SLC2A9: variants seen among roughly 807,000 people sequenced by gnomAD.
SLC2A9 encodes the protein solute carrier family 2 member 9.
In SLC2A9, 39 loss-of-function variants were observed where a neutral mutation model predicts 50.6. The observed-to-expected ratio is 0.77, with a 90% CI of 0.60 to 1.01. SLC2A9 has a LOEUF of 1.01. SLC2A9 is among the 50% of genes least tolerant of loss of function. SLC2A9 has a pLI of 0.00. For synonymous variants in SLC2A9, 324 were observed against 276.9 expected (o/e 1.17, Z -1.69); for missense variants, 686 against 677.6 (o/e 1.01, Z -0.14).
chr4:10,024,338 G>A (rs1341309952), upstream of SLC2A9, among the ~76,000 whole-genome samples: 2 of 152,218 alleles, frequency 1.3e-5, no homozygotes, highest in African/African-American at 4.8e-5. Flanking sequence ...CAATGTGACT[G>A]TATTTGGAGA....
chr4:10,018,546 T>TGATAGATAGATA (rs749714539), intron 2 of SLC2A9, among the ~76,000 whole-genome samples: 35 of 145,430 alleles, frequency 2.4e-4, no homozygotes, highest in African/African-American at 2.8e-4. Flanking sequence ...ATCTCAAAGA[T>TGATAGATAGATA]GATAGATAGA....
chr4:9,891,644 G>C (rs748346609), intron 8 of SLC2A9, among the ~76,000 whole-genome samples: 4 of 152,196 alleles, frequency 2.6e-5, no homozygotes, highest in Non-Finnish European at 5.9e-5. Flanking sequence ...AGAGAGGTGA[G>C]ATAACAGCAG....
intron 3 of SLC2A9, among the ~76,000 whole-genome samples, chr4:9,788,793 A>G (rs189853794): frequency 5.3e-5 from 8 of 152,100 alleles, no homozygotes; most frequent in African/African-American, 1.9e-4. Context: ...ACATGCTGTC[A>G]TTATTCTTTG....
intron 7 of SLC2A9, among the ~76,000 whole-genome samples, 179 bp from the exon 8 acceptor site, chr4:9,908,524 T>C (rs1462174396): frequency 6.6e-6 from 1 of 150,772 alleles, no homozygotes; most frequent in African/African-American, 2.4e-5. Flanking sequence ...TTACTTTTTT[T>C]CCTTATTTTA....
chr4:9,991,340 C>T (rs920328547), intron 3 of SLC2A9, among the ~76,000 whole-genome samples: 2 of 152,226 alleles, frequency 1.3e-5, no homozygotes, highest in Admixed American at 6.5e-5. Flanking sequence ...TTGTCAGCAG[C>T]ACGGTGTGTT....
intron 5 of SLC2A9, among the ~76,000 whole-genome samples, chr4:9,977,021 C>A (rs1186684109): frequency 2.0e-5 from 3 of 152,168 alleles, no homozygotes; most frequent in African/African-American, 4.8e-5. Context: ...TAACCTCACT[C>A]AACCTCATCT....
intron 3 of SLC2A9, among the ~76,000 whole-genome samples, chr4:9,809,142 G>A (rs1198603860): frequency 6.6e-6 from 1 of 152,152 alleles, no homozygotes; most frequent in Non-Finnish European, 1.5e-5. Flanking sequence ...GAGTAGGTAG[G>A]CTCTAGGAAA....
chr4:10,038,262 T>C (rs1464564626), intron 1 of SLC2A9, among the ~76,000 whole-genome samples: 1 of 152,050 alleles, frequency 6.6e-6, no homozygotes, highest in Non-Finnish European at 1.5e-5. Flanking sequence ...ATCCCAGTGC[T>C]TTGAGAGGCC....
At chr4:9,891,800 G>A (rs1289935430) in intron 8 of SLC2A9, among the ~76,000 whole-genome samples, 1 of 152,218 alleles carries the variant, frequency 6.6e-6, no homozygotes, top group East Asian at 1.9e-4. Context: ...GTCAGGCAGA[G>A]GGATTAGTGG....
At chr4:9,885,244 T>C (rs1735978281) in intron 10 of SLC2A9, among the ~76,000 whole-genome samples, 1 of 152,180 alleles carries the variant, frequency 6.6e-6, no homozygotes, top group African/African-American at 2.4e-5. Context: ...TGCCTACCCC[T>C]GCTCTCCTCT....
At chr4:9,948,351 G>A (rs865819939) in intron 5 of SLC2A9, among the ~76,000 whole-genome samples, 4 of 152,126 alleles carry the variant, frequency 2.6e-5, no homozygotes, top group East Asian at 1.9e-4. Flanking sequence ...CTGGGGGTGC[G>A]GCTTAGGTGC....
intron 1 of SLC2A9, among the ~76,000 whole-genome samples, chr4:10,031,568 C>T (rs1333138737): frequency 3.3e-5 from 5 of 152,182 alleles, no homozygotes; most frequent in Admixed American, 6.5e-5. Context: ...TCCAAAGCAT[C>T]GTCTTAATGG....
At chr4:9,983,458 A>G (rs1009268324) in intron 4 of SLC2A9, among the ~76,000 whole-genome samples, 1 of 152,234 alleles carries the variant, frequency 6.6e-6, no homozygotes, top group African/African-American at 2.4e-5. Flanking sequence ...CAAGAACTTT[A>G]TGCAAGGCAG....
intron 5 of SLC2A9, among the ~76,000 whole-genome samples, chr4:9,980,083 G>C (rs1391569236): frequency 3.3e-5 from 5 of 152,042 alleles, no homozygotes; most frequent in Non-Finnish European, 7.3e-5. Flanking sequence ...CATCGAACTG[G>C]GATTCAAATT....
intron 2 of SLC2A9, among the ~76,000 whole-genome samples, chr4:10,009,937 C>T (rs1175218746): frequency 6.6e-6 from 1 of 152,206 alleles, no homozygotes; most frequent in African/African-American, 2.4e-5. Flanking sequence ...GCCTTTGTCC[C>T]TGGTTCTTGG....
At chr4:9,834,329 G>A (rs188403328) in intron 11 of SLC2A9, among the ~76,000 whole-genome samples, 1 of 152,130 alleles carries the variant, frequency 6.6e-6, no homozygotes, top group Non-Finnish European at 1.5e-5. Flanking sequence ...CACACAGCTG[G>A]GACTCAACAT....
At chr4:9,885,890 G>C (rs1426957277) in intron 10 of SLC2A9, among the ~76,000 whole-genome samples, 2 of 152,212 alleles carry the variant, frequency 1.3e-5, no homozygotes, top group Admixed American at 1.3e-4. Context: ...TTGTGATAGA[G>C]AATGCATGGT....
chr4:10,035,752 C>T (rs1308148895), intron 1 of SLC2A9: 3 of 152,210 alleles, frequency 2.0e-5, no homozygotes, highest in Admixed American at 2.0e-4. Flanking sequence ...ACAAAATGGG[C>T]AGAAAAAAAG....
At chr4:9,906,070 T>A (rs955674083) in intron 8 of SLC2A9, among the ~76,000 whole-genome samples, 3 of 152,240 alleles carry the variant, frequency 2.0e-5, no homozygotes, top group African/African-American at 7.2e-5. Flanking sequence ...AGTTACCACT[T>A]ACTGGGTGTA....
Sources: gnomAD v4.1 joint callset for allele counts (sites outside exome capture counted in the v4.1 genomes callset) on GRCh38, gnomAD v4.1.1 for gene constraint, MANE v1.5 for transcripts, NCBI Gene and HGNC (gene_info 2026-07-23, HGNC 2026-07-21) for gene names.